MCC: variants seen among roughly 807,000 people sequenced by gnomAD.
MCC encodes MCC regulator of Wnt signaling pathway, also known as colorectal mutant cancer protein.
MCC carries 90 observed loss-of-function variants against 116.2 expected under a neutral mutation model. That is an observed-to-expected ratio of 0.77 (90% CI 0.65 to 0.92). The LOEUF (loss-of-function observed/expected upper bound fraction) is 0.92, where lower values mean the gene tolerates loss of function less well. MCC is among the 40% of genes least tolerant of loss of function. MCC has a pLI of 0.00. For synonymous variants in MCC, 578 were observed against 510.5 expected (o/e 1.13, Z -1.78); for missense variants, 1,516 against 1,312.2 (o/e 1.16, Z -2.40).
chr5:113,453,573 G>T (rs973428701), intron 1 of MCC, among the ~76,000 whole-genome samples: 1 of 152,076 alleles, frequency 6.6e-6, no homozygotes, highest in Non-Finnish European at 1.5e-5. Flanking sequence ...CACCATGAAA[G>T]GTATTTCACT....
intron 1 of MCC, among the ~76,000 whole-genome samples, chr5:113,451,708 A>G (rs1345192419): frequency 2.0e-5 from 3 of 152,170 alleles, no homozygotes; most frequent in African/African-American, 7.2e-5. Context: ...ACAAGAGTGA[A>G]ACTCTGTCTC....
chr5:113,135,520 C>T (rs1269915774), intron 5 of MCC, among the ~76,000 whole-genome samples: 8 of 142,784 alleles, frequency 5.6e-5, no homozygotes, highest in African/African-American at 2.1e-4. Context: ...GATCGTGCCA[C>T]TGCACTCCAG....
At chr5:113,375,385 A>G (rs1768957561) in intron 2 of MCC, among the ~76,000 whole-genome samples, 1 of 152,174 alleles carries the variant, frequency 6.6e-6, no homozygotes, top group South Asian at 2.1e-4. Flanking sequence ...GTCTTGATTC[A>G]CAATAATTTC....
chr5:113,379,921 C>A (rs1229396572), intron 2 of MCC, among the ~76,000 whole-genome samples: 1 of 152,170 alleles, frequency 6.6e-6, no homozygotes, highest in Non-Finnish European at 1.5e-5. Flanking sequence ...TCCGAGATGT[C>A]TTGCCATAAA....
chr5:113,234,849 T>G (rs1764071957), intron 3 of MCC, among the ~76,000 whole-genome samples: 1 of 152,148 alleles, frequency 6.6e-6, no homozygotes, highest in Non-Finnish European at 1.5e-5. Flanking sequence ...AATTATGAAC[T>G]CTTGGGTTCT....
chr5:113,177,757 G>A (rs947314748), intron 3 of MCC, among the ~76,000 whole-genome samples: 10 of 151,958 alleles, frequency 6.6e-5, no homozygotes, highest in Non-Finnish European at 1.3e-4. Context: ...CATATATGGC[G>A]AATTTTGTGT....
chr5:113,369,995 T>C (rs1050369560), intron 2 of MCC, among the ~76,000 whole-genome samples: 1 of 152,228 alleles, frequency 6.6e-6, no homozygotes, highest in Non-Finnish European at 1.5e-5. Flanking sequence ...TCTCTGGTAT[T>C]TGGTTGTTAA....
intron 14 of MCC, among the ~76,000 whole-genome samples, chr5:113,058,906 G>A (rs552413717): frequency 2.6e-5 from 4 of 152,306 alleles, no homozygotes; most frequent in African/African-American, 9.6e-5. Flanking sequence ...ACCAGACTCA[G>A]AGATGCCCTG....
chr5:113,121,636 G>C (rs901770334), intron 6 of MCC, among the ~76,000 whole-genome samples: 15 of 152,102 alleles, frequency 9.9e-5, no homozygotes, highest in African/African-American at 3.4e-4. Flanking sequence ...CCATAATGTT[G>C]TAGCACTTAT....
At chr5:113,142,236 G>C (rs904492981) in intron 5 of MCC, among the ~76,000 whole-genome samples, 6 of 148,576 alleles carry the variant, frequency 4.0e-5, no homozygotes, top group Admixed American at 4.0e-4. Flanking sequence ...GTTTAAAGTA[G>C]CTGCCTCTGA....
chr5:113,078,226 A>G (rs1754597037), intron 11 of MCC, among the ~76,000 whole-genome samples: 1 of 152,224 alleles, frequency 6.6e-6, no homozygotes, highest in African/African-American at 2.4e-5. Context: ...TACCAGAGGT[A>G]CAAGGAGAAG....
chr5:113,358,903 G>GCAT (rs568076413), intron 2 of MCC, among the ~76,000 whole-genome samples: 10 of 152,266 alleles, frequency 6.6e-5, no homozygotes, highest in African/African-American at 2.2e-4. Flanking sequence ...AGGGCCCCTA[G>GCAT]CATCGTCCAC....
intron 3 of MCC, among the ~76,000 whole-genome samples, chr5:113,323,879 A>G (rs1419105624): frequency 6.6e-6 from 1 of 152,190 alleles, no homozygotes; most frequent in African/African-American, 2.4e-5. Flanking sequence ...CCTGGGCACC[A>G]TATCGAGACA....
rs541304513 is a variant in MCC, at chr5:113,135,544, G to A, written c.884+7674C>T. Among the ~76,000 whole-genome samples, 7 of 119,378 alleles carry A rather than the reference G, an allele frequency of 5.9e-5. No individual in the cohort carries two copies. In the South Asian group the frequency reaches 2.2e-3, roughly 37 times the overall value. 78.3% of individuals were successfully genotyped at this position (119,378 alleles called of 152,430 possible). A position where few individuals can be genotyped will look rare whatever the true frequency, so the allele number is the denominator to read the frequency against. The stretch of plus-strand genomic sequence containing the variant: ...ACTGCACTCCAGCCTGGGTGACAGA[G>A]TGAGACTCTGTCTCAAAAAAAAAAA... On this transcript the variant is annotated intron_variant, in intron 5 of 18. Transcript: ENST00000408903.
At chr5:113,120,668 G>A (rs1581103813) in intron 6 of MCC, among the ~76,000 whole-genome samples, 1 of 152,148 alleles carries the variant, frequency 6.6e-6, no homozygotes, top group Admixed American at 6.5e-5. Flanking sequence ...ACATGCTTCC[G>A]CCTAGTGGAA....
chr5:113,205,219 T>C lies in MCC; in HGVS notation c.628-53797A>G, dbSNP rs1457317154. Reference sequence around the variant, plus strand: ...GCTTTCACAGGAAGGGCTGATGCAGTGAGAAGAGCAGGATCTAAGAATCAG... The same window carrying C: ...GCTTTCACAGGAAGGGCTGATGCAGCGAGAAGAGCAGGATCTAAGAATCAG... On this transcript the variant is annotated intron_variant, in intron 3 of 18. Coordinates refer to ENST00000408903, the MANE Select transcript of MCC (RefSeq NM_001085377.2). Among the ~76,000 whole-genome samples the C allele has an allele frequency of 3.9e-5, 6 of 152,298 alleles. 1 individual carries two copies. Among genetic ancestry groups the C allele is most frequent in the Admixed American group, 2.6e-4 (4 of 15,304 alleles).
chr5:113,392,122 T>C (rs888879598), intron 1 of MCC, among the ~76,000 whole-genome samples: 2 of 152,054 alleles, frequency 1.3e-5, no homozygotes, highest in Admixed American at 6.5e-5. Context: ...TCCCAGCTAC[T>C]TGGGAGGACG....
rs560584090 is a variant in MCC at position 113,183,275 on chromosome 5, G to GT, written c.628-31854dup. 2.0e-5 allele frequency among the ~76,000 whole-genome samples: 3 copies of GT among 152,162 alleles called. No homozygotes were observed. The South Asian group carries it at 6.2e-4, about 32-fold the overall frequency. On this transcript the variant is annotated intron_variant, in intron 3 of 18. Coordinates refer to ENST00000408903, the MANE Select transcript of MCC (RefSeq NM_001085377.2). Reference sequence around the variant, plus strand: ...AAATCTAAGCTGTGTGTGCGTGTGTGTTTGTGTGTGGAGGGGAAGGAGACA... The same window carrying GT: ...AAATCTAAGCTGTGTGTGCGTGTGTGTTTTGTGTGTGGAGGGGAAGGAGACA...
At chr5:113,034,336 C>T (rs961664518) in intron 17 of MCC, among the ~76,000 whole-genome samples, 3 of 152,200 alleles carry the variant, frequency 2.0e-5, no homozygotes, top group Non-Finnish European at 4.4e-5. Context: ...CTGGGCAGAG[C>T]GAAGCAAGCC....
Sources: allele counts gnomAD v4.1 joint callset (sites outside exome capture counted in the v4.1 genomes callset), GRCh38; gene constraint gnomAD v4.1.1; transcripts MANE v1.5; gene names NCBI Gene and HGNC (gene_info 2026-07-23, HGNC 2026-07-21).